ARID3A: variants seen among roughly 807,000 people sequenced by gnomAD.
ARID3A encodes AT-rich interactive domain-containing protein 3A.
Under a neutral mutation model 52.7 loss-of-function variants are expected in ARID3A, and 11 were observed. The observed-to-expected ratio is 0.21, with a 90% CI of 0.13 to 0.35. The LOEUF (loss-of-function observed/expected upper bound fraction) is 0.35. Ranked by LOEUF, ARID3A falls within the 10% of genes least tolerant of loss-of-function variation. The probability of loss-of-function intolerance (pLI) is 1.00; values close to 1 mark genes in which losing one functional copy is unlikely to be tolerated. For synonymous variants in ARID3A, 404 were observed against 359.4 expected (o/e 1.12, Z -1.40); for missense variants, 721 against 838.5 (o/e 0.86, Z 1.73).
At chr19:953,673 C>T (rs988401750) in intron 3 of ARID3A, among the ~76,000 whole-genome samples, 2 of 152,106 alleles carry the variant, frequency 1.3e-5, no homozygotes, top group Non-Finnish European at 2.9e-5. Flanking sequence ...CAGAAGGCGA[C>T]GTTTGGGCGG....
chr19:955,186 C>T (rs1368135934), intron 3 of ARID3A, among the ~76,000 whole-genome samples: 3 of 152,200 alleles, frequency 2.0e-5, no homozygotes, highest in East Asian at 1.9e-4. Context: ...GCCTGGACAC[C>T]GCCATGGGCA....
At chr19:931,451 C>CAAAA (rs768315126) in intron 2 of ARID3A, among the ~76,000 whole-genome samples, 3,496 of 79,178 alleles carry the variant, frequency 0.044, 169 homozygotes, top group African/African-American at 0.14. Context: ...GACTGTGTCT[C>CAAAA]AAAAAAAAAA....
chr19:937,201 T>C (rs1391879526), intron 3 of ARID3A, among the ~76,000 whole-genome samples: 1 of 151,844 alleles, frequency 6.6e-6, no homozygotes, highest in Non-Finnish European at 1.5e-5. Context: ...GAGGCGGAGA[T>C]TGCCGTGAGC....
chr19:949,413 G>A (rs891912020), intron 3 of ARID3A, among the ~76,000 whole-genome samples: 1 of 152,152 alleles, frequency 6.6e-6, no homozygotes, highest in Non-Finnish European at 1.5e-5. Context: ...GGGGGCTGGG[G>A]GTGCTGTCAG....
intron 3 of ARID3A, among the ~76,000 whole-genome samples, chr19:954,965 G>A (rs1329697568): frequency 1.3e-5 from 2 of 152,194 alleles, no homozygotes; most frequent in African/African-American, 4.8e-5. Flanking sequence ...CAGCCCCTGG[G>A]GAGGGAGTTT....
At chr19:951,692 C>T (rs529532719) in intron 3 of ARID3A, among the ~76,000 whole-genome samples, 15 of 152,228 alleles carry the variant, frequency 9.9e-5, no homozygotes, top group Non-Finnish European at 2.9e-5. Context: ...GCCTGGGAGG[C>T]TCAGGCTGCT....
chr19:935,830 G>C (rs780798215), intron 3 of ARID3A, among the ~76,000 whole-genome samples: 29 of 151,986 alleles, frequency 1.9e-4, no homozygotes, highest in Non-Finnish European at 2.5e-4. Context: ...TCGCTCTGTC[G>C]CCCAGGCTGG....
Position 947,344 on chromosome 19 carries a change from C to T in ARID3A, c.694-12748C>T, listed in dbSNP as rs1011167655. On this transcript the variant is annotated intron_variant, in intron 3 of 8. Coordinates refer to ENST00000263620, the MANE Select transcript of ARID3A (RefSeq NM_005224.3). The surrounding 1 kb of genome is among the most constrained non-coding windows in gnomAD (Gnocchi z 6.3). ...TCATATCTCGCCGCCATGGGGCTGC[C>T]TCCTGCCTCCTCTGCACCAACTTTC... Among the ~76,000 whole-genome samples the T allele has an allele frequency of 6.6e-6, 1 of 152,204 alleles. No individual in the cohort carries two copies. The highest frequency in any genetic ancestry group is 1.5e-5 in the Non-Finnish European group (1 of 68,038).
chr19:972,968 C>T lies in ARID3A; in HGVS notation c.*903C>T, dbSNP rs1035180523. On this transcript the variant is annotated 3_prime_UTR_variant, in exon 9 of 9. Coordinates refer to ENST00000263620, the MANE Select transcript of ARID3A (RefSeq NM_005224.3). Reference sequence around the variant, plus strand: ...GCCAATGAACTCAGGTGCTATGGGCCGGGCTGGGGCAGAGGGTGCATGCTG... The same window carrying T: ...GCCAATGAACTCAGGTGCTATGGGCTGGGCTGGGGCAGAGGGTGCATGCTG... 26 of 208,730 alleles carry T rather than the reference C, an allele frequency of 1.2e-4. No homozygotes were observed. Among genetic ancestry groups the T allele is most frequent in the African/African-American group, 3.2e-4 (14 of 43,738 alleles). The allele number at this position is 208,730 out of a possible 1,614,324, so 12.9% of individuals were successfully genotyped here. A position where few individuals can be genotyped will look rare whatever the true frequency, so the allele number is the denominator to read the frequency against.
Position 932,408 on chromosome 19 carries a change from C to T in ARID3A, c.369-10C>T. ...CTTCTCCCCTGACTCCTGCCCTCTG[C>T]TCACCCCAGGAAGCCCAAATGGGAG... On this transcript the variant is annotated splice_polypyrimidine_tract_variant and intron_variant, in intron 2 of 8. Coordinates refer to ENST00000263620, the MANE Select transcript of ARID3A (RefSeq NM_005224.3). The T allele has an allele frequency of 6.3e-7, 1 of 1,594,000 alleles. No individual in the cohort carries two copies.
At chr19:968,649 G>A in intron 8 of ARID3A, 146 bp downstream of exon 8, 1 of 666,580 alleles carries the variant, frequency 1.5e-6, no homozygotes, top group Admixed American at 2.7e-5. Flanking sequence ...AGGACAAACA[G>A]TCAAGACTGA....
rs1308784506 is a variant in ARID3A, at chr19:971,893, A to T, written c.1610A>T (p.Gln537Leu). The change falls in exon 9 of 9, where the codon CAG becomes CTG. Residue 537 changes from glutamine to leucine, a missense_variant. Transcript: ENST00000263620. ...CTTGCCTTAGGAGTTCTGTTTGCTC[A>T]GCCGCCGGCCCCCACGCCAACCTCT... ...GIMYTGVLFA[Q>L]PPAPTPTSAP... 1 of 1,602,040 alleles carries T rather than the reference A, an allele frequency of 6.2e-7. No individual in the cohort carries two copies. Among genetic ancestry groups the T allele is most frequent in the African/African-American group, 1.4e-5 (1 of 73,478 alleles).
chr19:948,199 G>A (rs991789815), intron 3 of ARID3A, among the ~76,000 whole-genome samples: 8 of 151,520 alleles, frequency 5.3e-5, no homozygotes, highest in Admixed American at 5.3e-4. Context: ...GAACCGGGAA[G>A]TCCGGGCCCT....
In ARID3A at chr19:965,024, G is replaced by T. The variant is rs375909439; in HGVS notation, c.1142G>T (p.Gly381Val). ...CCCAAGCTACCCGTGTCCTCCCTGG[G>T]CCTGGCCGCAAGCACCAATGGCAGC... is the stretch of plus-strand genomic sequence containing the variant. ...SSPKLPVSSL[G>V]LAASTNGSSI... Residue 381 changes from glycine (G) to valine (V), a missense_variant, in exon 6 of 9, where the codon GGC becomes GTC. Coordinates refer to ENST00000263620, the MANE Select transcript of ARID3A (RefSeq NM_005224.3). The T allele has an allele frequency of 2.5e-6, 4 of 1,612,918 alleles. No individual in the cohort carries two copies. The highest frequency in any genetic ancestry group is 3.4e-6 in the Non-Finnish European group (4 of 1,179,516).
rs989016301 is a variant in ARID3A at position 941,276 on chromosome 19, C to T, written c.693+8534C>T. 6.6e-6 allele frequency among the ~76,000 whole-genome samples: 1 copy of T among 152,230 alleles called. No individual in the cohort carries two copies. The highest frequency in any genetic ancestry group is 1.5e-5 in the Non-Finnish European group (1 of 68,042). On this transcript the variant is annotated intron_variant, in intron 3 of 8. Transcript: ENST00000263620. This position sits in a 1 kb window ranked among gnomAD's most constrained non-coding sequence, Gnocchi z 6.9. ...TGTGCACGCTGGGGCTGTGGCCGGG[C>T]GGCTCGTGGGTCCTGTCTCGTGGGA... is the stretch of plus-strand genomic sequence containing the variant.
At position 973,306 on chromosome 19, in the gene ARID3A, GT is replaced by G; in HGVS notation, c.*1245del. 1 of 177,254 alleles carries G rather than the reference GT, an allele frequency of 5.6e-6. No individual in the cohort carries two copies. The highest frequency in any genetic ancestry group is 1.2e-5 in the Non-Finnish European group (1 of 82,690). The allele number at this position is 177,254 out of a possible 1,614,324, so 11.0% of individuals were successfully genotyped here. A position where few individuals can be genotyped will look rare whatever the true frequency, so the allele number is the denominator to read the frequency against. Reference sequence around the variant, plus strand: ...TTTTGTATTTTTAGTAGAGATGGGGGTTTTGCCATGTTGGTCAGGCTGATCT... The same window carrying G: ...TTTTGTATTTTTAGTAGAGATGGGGGTTTGCCATGTTGGTCAGGCTGATCT... On this transcript the variant is annotated 3_prime_UTR_variant, in exon 9 of 9. Transcript: ENST00000263620.
Position 942,576 on chromosome 19 carries a change from C to T in ARID3A, c.693+9834C>T, listed in dbSNP as rs1013174858. Among the ~76,000 whole-genome samples, 1 of 152,202 alleles carries T rather than the reference C, an allele frequency of 6.6e-6. No individual in the cohort carries two copies. Among genetic ancestry groups the T allele is most frequent in the Non-Finnish European group, 1.5e-5 (1 of 68,030 alleles). ...TTGAAGGCCCAAGCGCCGGGATATG[C>T]AGCCTTGCCCCTTGGTCAGGGCTGG... On this transcript the variant is annotated intron_variant, in intron 3 of 8. Transcript: ENST00000263620. The surrounding 1 kb of genome is among the most constrained non-coding windows in gnomAD (Gnocchi z 8.1).
chr19:940,802 C>T (rs116443760), intron 3 of ARID3A, among the ~76,000 whole-genome samples: 3 of 152,260 alleles, frequency 2.0e-5, no homozygotes, highest in Non-Finnish European at 2.9e-5. Flanking sequence ...CGTGAGCCGC[C>T]GGGAGGGCTG....
intron 3 of ARID3A, among the ~76,000 whole-genome samples, chr19:958,528 G>A (rs2037970550): frequency 6.6e-6 from 1 of 152,106 alleles, no homozygotes; most frequent in African/African-American, 2.4e-5. Flanking sequence ...GGAAACGGGG[G>A]AACTTACTGA....
Sources: allele counts gnomAD v4.1 joint callset (sites outside exome capture counted in the v4.1 genomes callset), GRCh38; gene constraint gnomAD v4.1.1; non-coding constraint Gnocchi (gnomAD v3.1); transcripts MANE v1.5; gene names NCBI Gene and HGNC (gene_info 2026-07-23, HGNC 2026-07-21).